Variants in PAK3 observed in about 807,000 individuals in gnomAD.
PAK3 encodes the protein serine/threonine-protein kinase PAK 3.
PAK3 carries 4 observed loss-of-function variants against 41.0 expected under a neutral mutation model. That is an observed-to-expected ratio of 0.10 (90% CI 0.05 to 0.22). The LOEUF is 0.22. PAK3 is among the 10% of genes least tolerant of loss of function. The pLI is 1.00. For missense variants in PAK3, 205 were observed against 409.9 expected (o/e 0.50, Z 4.32); for synonymous variants, 146 against 139.6 (o/e 1.05, Z -0.32).
At chrX:111,070,867 C>T (rs1315975205) in intron 1 of PAK3, among the ~76,000 whole-genome samples, 1 of 111,986 alleles carries the variant, frequency 8.9e-6, no homozygotes, top group Non-Finnish European at 1.9e-5. Flanking sequence ...GCTCATGATG[C>T]TCTCCAAAGA....
At chrX:111,056,224 T>A (rs1368975639) in intron 1 of PAK3, among the ~76,000 whole-genome samples, 1 of 111,161 alleles carries the variant, frequency 9.0e-6, no homozygotes, top group Non-Finnish European at 1.9e-5. Context: ...TCTTTTCTAG[T>A]AAGCAAGCCC....
At chrX:111,058,920 T>G (rs1010092587) in intron 1 of PAK3, among the ~76,000 whole-genome samples, 1 of 110,999 alleles carries the variant, frequency 9.0e-6, no homozygotes, top group African/African-American at 3.3e-5. Context: ...GAAACTGCTT[T>G]TCTCCTTTGA....
rs757757597 is a variant in PAK3, at chrX:111,173,028, G to C, written c.777G>C (p.Val259=). The part of the protein sequence containing the change: ...EEILEKLRSI[V]SVGDPKKKYT... ...CCACCCATCTCTTAGGAAGCATTGTGAGTGTTGGGGACCCAAAGAAAAAAT... is the reference window on the plus strand; with the variant it reads ...CCACCCATCTCTTAGGAAGCATTGTCAGTGTTGGGGACCCAAAGAAAAAAT... The change falls in exon 11 of 18, where the codon GTG becomes GTC. Residue 259 remains valine (V), a synonymous_variant. Transcript: ENST00000372007. The C allele has an allele frequency of 8.9e-6, 10 of 1,128,632 alleles. No individual in the cohort carries two copies. The Admixed American group carries it at 2.2e-4, about 25-fold the overall frequency. 93.0% of individuals were successfully genotyped at this position (1,128,632 alleles called of 1,213,427 possible). A position where few individuals can be genotyped will look rare whatever the true frequency, so the allele number is the denominator to read the frequency against.
chrX:110,998,215 C>T (rs2091777406), intron 1 of PAK3, among the ~76,000 whole-genome samples: 2 of 111,542 alleles, frequency 1.8e-5, no homozygotes, highest in Non-Finnish European at 3.8e-5. Context: ...AAGAGAAGTC[C>T]AAGGACTGAT....
chrX:111,069,462 G>A (rs1197218591), intron 1 of PAK3, among the ~76,000 whole-genome samples: 10 of 111,869 alleles, frequency 8.9e-5, no homozygotes, highest in Non-Finnish European at 1.1e-4. Flanking sequence ...TTCTAACAAA[G>A]AGGATGATGT....
At chrX:111,010,111 T>C (rs2091990259) in intron 1 of PAK3, among the ~76,000 whole-genome samples, 1 of 112,549 alleles carries the variant, frequency 8.9e-6, no homozygotes. Context: ...CATCTGAAAC[T>C]GTTTCTTCCT....
At chrX:111,026,996 A>C (rs781030604) in intron 1 of PAK3, among the ~76,000 whole-genome samples, 3 of 111,820 alleles carry the variant, frequency 2.7e-5, no homozygotes, top group Non-Finnish European at 5.6e-5. Context: ...GAACCCAGAA[A>C]TAAAGCCAAA....
At chrX:111,109,910 A>T (rs1435086476) in intron 4 of PAK3, among the ~76,000 whole-genome samples, 1 of 112,060 alleles carries the variant, frequency 8.9e-6, no homozygotes, top group Non-Finnish European at 1.9e-5. Context: ...AAACAGAAAT[A>T]AGTGCACGGG....
At chrX:110,958,095 G>A (rs759559437) in intron 1 of PAK3, among the ~76,000 whole-genome samples, 8 of 111,905 alleles carry the variant, frequency 7.1e-5, no homozygotes, top group East Asian at 2.8e-4. Context: ...GGCCTGAAAC[G>A]TGAATAAATA....
At chrX:111,202,769 T>C (rs1400193993) in intron 16 of PAK3, among the ~76,000 whole-genome samples, 4 of 111,862 alleles carry the variant, frequency 3.6e-5, no homozygotes, top group Non-Finnish European at 7.5e-5. Flanking sequence ...AATTTGTTAT[T>C]TGTGAAATGT....
At chrX:111,199,104 G>A (rs2094648989) in intron 16 of PAK3, among the ~76,000 whole-genome samples, 1 of 111,267 alleles carries the variant, frequency 9.0e-6, no homozygotes, top group African/African-American at 3.3e-5. Flanking sequence ...ATGGGATTGT[G>A]CTATTGATTT....
chrX:111,115,662 A>G (rs2093451411), intron 4 of PAK3, among the ~76,000 whole-genome samples: 1 of 112,435 alleles, frequency 8.9e-6, no homozygotes, highest in South Asian at 3.7e-4. Context: ...TCAAGGGGCA[A>G]AAACTTGAGG....
chrX:111,220,041 C>A (rs1381258586), intron 17 of PAK3, among the ~76,000 whole-genome samples: 1 of 111,321 alleles, frequency 9.0e-6, no homozygotes, highest in Non-Finnish European at 1.9e-5. Context: ...ACTAAATATA[C>A]TTTTTCCAAG....
intron 17 of PAK3, among the ~76,000 whole-genome samples, chrX:111,218,489 A>G (rs1277963344): frequency 8.9e-6 from 1 of 112,332 alleles, no homozygotes; most frequent in Non-Finnish European, 1.9e-5. Context: ...AACAGGAAAG[A>G]GGTCTTCTGG....
At chrX:110,984,325 C>A (rs2091502781) in intron 1 of PAK3, among the ~76,000 whole-genome samples, 4 of 111,768 alleles carry the variant, frequency 3.6e-5, no homozygotes, top group African/African-American at 1.3e-4. Context: ...AAAGCACAAT[C>A]ACACACACAC....
intron 1 of PAK3, among the ~76,000 whole-genome samples, chrX:111,067,613 G>A (rs923830381): frequency 5.5e-4 from 61 of 111,681 alleles, no homozygotes; most frequent in African/African-American, 2.0e-3. Context: ...TTTGTCAAAT[G>A]TGTTTTCAAC....
intron 8 of PAK3, among the ~76,000 whole-genome samples, chrX:111,153,444 C>T (rs2094059413): frequency 8.9e-6 from 1 of 112,017 alleles, no homozygotes; most frequent in Non-Finnish European, 1.9e-5. Context: ...ACACATTAGA[C>T]AGAAAATGAT....
chrX:110,975,250 C>A (rs747972011), intron 1 of PAK3, among the ~76,000 whole-genome samples: 76 of 112,267 alleles, frequency 6.8e-4, no homozygotes, highest in Non-Finnish European at 1.1e-3. Flanking sequence ...AGATAAGCAA[C>A]TTCAGCAAAG....
chrX:111,092,649 G>A (rs187240084), upstream of PAK3, among the ~76,000 whole-genome samples: 45 of 111,522 alleles, frequency 4.0e-4, no homozygotes, highest in African/African-American at 1.4e-3. Flanking sequence ...TTTCACAGGT[G>A]TATACTTATT....
Sources: gnomAD v4.1 joint callset for allele counts (sites outside exome capture counted in the v4.1 genomes callset) on GRCh38, gnomAD v4.1.1 for gene constraint, MANE v1.5 for transcripts, NCBI Gene and HGNC (gene_info 2026-07-23, HGNC 2026-07-21) for gene names.